Variants in NHLRC2 observed in about 807,000 individuals in gnomAD.
NHLRC2 encodes the protein NHL repeat-containing protein 2.
Under a neutral mutation model 68.1 loss-of-function variants are expected in NHLRC2, and 33 were observed. The ratio of observed to expected loss-of-function variants is 0.48; its 90% CI spans 0.37 to 0.65. The LOEUF (loss-of-function observed/expected upper bound fraction) is 0.65. NHLRC2 is among the 30% of genes least tolerant of loss of function. NHLRC2 has a pLI of 0.00. For missense variants in NHLRC2, 761 were observed against 853.8 expected, an observed-to-expected ratio of 0.89 and a Z score of 1.35; for synonymous variants, 311 against 309.6, an observed-to-expected ratio of 1.00 and a Z score of -0.05.
chr10:113,897,927 CAA>C lies in NHLRC2; in HGVS notation c.1040-181_1040-180del, dbSNP rs376794338. ...GTTGTGGGTAAAATTACAAGTCTAACAAAGTAAACCTTTCACAAGAAAACAAA... is the reference window on the plus strand; with the variant it reads ...GTTGTGGGTAAAATTACAAGTCTAACAGTAAACCTTTCACAAGAAAACAAA... On this transcript the variant is annotated intron_variant, in intron 5 of 10. Transcript: ENST00000369301. 2.3e-3 allele frequency among the ~76,000 whole-genome samples: 350 copies of C among 152,258 alleles called. 1 individual carries two copies. The highest frequency in any genetic ancestry group is 7.7e-3 in the African/African-American group (318 of 41,560).
chr10:113,885,666 C>T (rs1457211913), intron 5 of NHLRC2, among the ~76,000 whole-genome samples: 1 of 151,934 alleles, frequency 6.6e-6, no homozygotes, highest in East Asian at 1.9e-4. Flanking sequence ...CTACATCTAG[C>T]AGCATGGACA....
intron 1 of NHLRC2, among the ~76,000 whole-genome samples, chr10:113,855,610 G>T (rs980976017): frequency 1.2e-4 from 18 of 152,118 alleles, no homozygotes; most frequent in African/African-American, 3.9e-4. Context: ...TGGGACTACA[G>T]GCCCGCGCCA....
intron 9 of NHLRC2, 28 bp from the exon 10 acceptor site, chr10:113,904,789 T>G: frequency 6.6e-7 from 1 of 1,525,752 alleles, no homozygotes; most frequent in African/African-American, 1.4e-5. Context: ...GTTCTTGTGT[T>G]TTAATAACAG....
chr10:113,907,518 A>G (rs927822612), intron 10 of NHLRC2, among the ~76,000 whole-genome samples: 1 of 152,190 alleles, frequency 6.6e-6, no homozygotes. Flanking sequence ...CTTCCCCAGT[A>G]TGACATGTGT....
chr10:113,864,566 G>A (rs947245391), intron 2 of NHLRC2, among the ~76,000 whole-genome samples: 16 of 151,766 alleles, frequency 1.1e-4, no homozygotes, highest in South Asian at 6.2e-4. Context: ...GTGTGGTGGC[G>A]CGCCCCTGTA....
In NHLRC2 at chr10:113,915,119, G is replaced by A. The variant is rs1010940169; in HGVS notation, c.*6583G>A. Reference sequence around the variant, plus strand: ...AAAGTGAAAACCCTAGACACTTGCTGTGGAATGTTTGCCTGGTTGTATTGG... The same window carrying A: ...AAAGTGAAAACCCTAGACACTTGCTATGGAATGTTTGCCTGGTTGTATTGG... On this transcript the variant is annotated 3_prime_UTR_variant, in exon 11 of 11. Coordinates refer to ENST00000369301, the MANE Select transcript of NHLRC2 (RefSeq NM_198514.4). 3.3e-5 allele frequency: 15 copies of A among 456,180 alleles called. No individual in the cohort carries two copies. Among genetic ancestry groups the A allele is most frequent in the African/African-American group, 2.8e-4 (14 of 50,070 alleles). 28.3% of individuals were successfully genotyped at this position (456,180 alleles called of 1,614,324 possible). A position where few individuals can be genotyped will look rare whatever the true frequency, so the allele number is the denominator to read the frequency against.
At chr10:113,871,312 C>T (rs570027428) in intron 2 of NHLRC2, among the ~76,000 whole-genome samples, 1 of 152,296 alleles carries the variant, frequency 6.6e-6, no homozygotes, top group African/African-American at 2.4e-5. Flanking sequence ...GCGTGAGCCA[C>T]TGCACCTGGC....
intron 2 of NHLRC2, among the ~76,000 whole-genome samples, chr10:113,867,212 G>A (rs1210631656): frequency 6.6e-6 from 1 of 152,204 alleles, no homozygotes; most frequent in African/African-American, 2.4e-5. Flanking sequence ...GCTCCCAGAA[G>A]CCAGGCAAGA....
Position 113,883,124 on chromosome 10 carries a change from A to G in NHLRC2, c.910-1127A>G, listed in dbSNP as rs192022799. Among the ~76,000 whole-genome samples, 6 of 151,950 alleles carry G rather than the reference A, an allele frequency of 3.9e-5. No individual in the cohort carries two copies. The East Asian group carries it at 1.2e-3, about 29-fold the overall frequency. On this transcript the variant is annotated intron_variant, in intron 4 of 10. Transcript: ENST00000369301. ...AGTCCTCCCACTTTCTTCTTTTTCA[A>G]GATTATTTTGGCTATCCTAGGTCCC...
Position 113,914,378 on chromosome 10 carries a change from G to A in NHLRC2, c.*5842G>A, listed in dbSNP as rs1456997244. ...AGATGGGGTTTCGCCATGCTTGCCA[G>A]GCTGGTCTCGAACTCCTGACCTCAG... On this transcript the variant is annotated 3_prime_UTR_variant, in exon 11 of 11. Transcript: ENST00000369301. 6.6e-6 allele frequency: 1 copy of A among 152,190 alleles called. No individual in the cohort carries two copies. Among genetic ancestry groups the A allele is most frequent in the Non-Finnish European group, 1.5e-5 (1 of 68,346 alleles). The allele number at this position is 152,190 out of a possible 1,614,324, so 9.4% of individuals were successfully genotyped here.
chr10:113,895,399 T>C (rs1036075313), intron 5 of NHLRC2, among the ~76,000 whole-genome samples: 5 of 152,134 alleles, frequency 3.3e-5, no homozygotes, highest in African/African-American at 9.7e-5. Flanking sequence ...AATTAATAAA[T>C]ATGTAACATG....
At chr10:113,890,568 TTCTG>T (rs1479608840) in intron 5 of NHLRC2, among the ~76,000 whole-genome samples, 1 of 152,184 alleles carries the variant, frequency 6.6e-6, no homozygotes, top group Non-Finnish European at 1.5e-5. Flanking sequence ...TTCTGCCCCT[TTCTG>T]TCTTTCTCTT....
At chr10:113,868,740 T>A (rs1301558913) in intron 2 of NHLRC2, among the ~76,000 whole-genome samples, 1 of 152,172 alleles carries the variant, frequency 6.6e-6, no homozygotes, top group Non-Finnish European at 1.5e-5. Flanking sequence ...ATAGGAAAAA[T>A]TACAGGCTGC....
At chr10:113,904,682 C>T in intron 9 of NHLRC2, 135 bp from the exon 10 acceptor site, 1 of 668,182 alleles carries the variant, frequency 1.5e-6, no homozygotes. Flanking sequence ...CTAACACATT[C>T]TAATTCAAAC....
At chr10:113,885,416 G>A (rs557106076) in intron 5 of NHLRC2, among the ~76,000 whole-genome samples, 75 of 151,994 alleles carry the variant, frequency 4.9e-4, no homozygotes, top group African/African-American at 1.8e-3. Context: ...TCCAACTAAA[G>A]GGATACTTCA....
chr10:113,877,205 A>G (rs1845991992), intron 3 of NHLRC2, among the ~76,000 whole-genome samples: 1 of 152,060 alleles, frequency 6.6e-6, no homozygotes, highest in African/African-American at 2.4e-5. Flanking sequence ...CAGGTCAAAA[A>G]GAGGAAATAG....
chr10:113,903,763 A>G (rs1846248925), intron 9 of NHLRC2, 27 bp downstream of exon 9: 1 of 1,308,948 alleles, frequency 7.6e-7, no homozygotes, highest in Non-Finnish European at 1.1e-6. Flanking sequence ...TATAAGTTAA[A>G]GAATGTGGTT....
rs1846350442 is a variant in NHLRC2 at position 113,913,781 on chromosome 10, TTACAGTAAAG to T, written c.*5247_*5256del. ...TCAAATATTAATATATGCAATTCTG[TTACAGTAAAG>T]TTTTCACCATGGTCAACCTATTCCA... On this transcript the variant is annotated 3_prime_UTR_variant, in exon 11 of 11. Transcript: ENST00000369301. 6.6e-6 allele frequency: 1 copy of T among 152,132 alleles called. No homozygotes were observed. The highest frequency in any genetic ancestry group is 1.5e-5 in the Non-Finnish European group (1 of 68,034). The allele number at this position is 152,132 out of a possible 1,614,324, so 9.4% of individuals were successfully genotyped here.
intron 5 of NHLRC2, among the ~76,000 whole-genome samples, chr10:113,887,517 C>A (rs1846092848): frequency 6.6e-6 from 1 of 152,140 alleles, no homozygotes; most frequent in African/African-American, 2.4e-5. Flanking sequence ...TGCCTGTAAT[C>A]CCAGCACTTT....
Sources: gnomAD v4.1 joint callset for allele counts (sites outside exome capture counted in the v4.1 genomes callset) on GRCh38, gnomAD v4.1.1 for gene constraint, MANE v1.5 for transcripts, NCBI Gene and HGNC (gene_info 2026-07-23, HGNC 2026-07-21) for gene names.